PYHIN1: variants seen among roughly 807,000 people sequenced by gnomAD.
PYHIN1 encodes pyrin and HIN domain-containing protein 1.
Under a neutral mutation model 43.7 loss-of-function variants are expected in PYHIN1, and 32 were observed. That is an observed-to-expected ratio of 0.73 (90% confidence interval 0.55 to 0.98). The LOEUF (loss-of-function observed/expected upper bound fraction) is 0.98. Ranked by LOEUF, PYHIN1 falls within the 50% of genes least tolerant of loss-of-function variation. The probability of loss-of-function intolerance (pLI) is 0.00; values close to 1 mark genes in which losing one functional copy is unlikely to be tolerated. For missense variants in PYHIN1, 588 were observed against 589.5 expected, an observed-to-expected ratio of 1.00 and a Z score of 0.03; for synonymous variants, 205 against 203.1, an observed-to-expected ratio of 1.01 and a Z score of -0.08.
rs1318966377 is a variant in PYHIN1 at position 158,942,365 on chromosome 1, G to A, written c.968G>A (p.Gly323Glu). 1.2e-6 allele frequency: 2 copies of A among 1,610,140 alleles called. No homozygotes were observed. Among genetic ancestry groups the A allele is most frequent in the East Asian group, 2.2e-5 (1 of 44,844 alleles). The change falls in exon 5 of 9, where the codon GGA becomes GAA. Residue 323 changes from glycine to glutamate, a missense_variant. Gly to Glu is a moderately conservative substitution (Grantham distance 98, BLOSUM62 -2). Transcript: ENST00000368140. ...KINILHKQTS[G>E]YIVYGLFMLH... ...AATATTCTTCACAAACAAACTTCAG[G>A]ATATATTGTATATGGATTATTTATG...
intron 7 of PYHIN1, among the ~76,000 whole-genome samples, chr1:158,956,411 A>T (rs1016533002): frequency 1.3e-5 from 2 of 152,144 alleles, no homozygotes; most frequent in African/African-American, 2.4e-5. Flanking sequence ...CACCATGATC[A>T]AGTGGGTTTC....
chr1:158,952,119 T>TG (rs1199682333), intron 7 of PYHIN1, among the ~76,000 whole-genome samples: 2 of 149,746 alleles, frequency 1.3e-5, no homozygotes, highest in East Asian at 3.9e-4. Flanking sequence ...TTTTTTTTTT[T>TG]TTTTTTTTTC....
chr1:158,973,976 AT>A (rs1557846721), intron 8 of PYHIN1, among the ~76,000 whole-genome samples: 2 of 152,012 alleles, frequency 1.3e-5, no homozygotes, highest in Non-Finnish European at 2.9e-5. Context: ...TCATGAAATC[AT>A]TTCTGTCTTC....
chr1:158,946,359 G>T (rs533517937), intron 7 of PYHIN1, among the ~76,000 whole-genome samples: 1 of 152,194 alleles, frequency 6.6e-6, no homozygotes, highest in South Asian at 2.1e-4. Flanking sequence ...TATGATTGAG[G>T]AGACCTATGT....
Position 158,937,164 on chromosome 1 carries a change from A to G in PYHIN1, c.254A>G (p.Glu85Gly), listed in dbSNP as rs777882578. 1.3e-6 allele frequency: 2 copies of G among 1,585,534 alleles called. No homozygotes were observed. Among genetic ancestry groups the G allele is most frequent in the East Asian group, 4.5e-5 (2 of 44,716 alleles). The change falls in exon 2 of 9, where the codon GAA becomes GGA. Residue 85 changes from glutamate (E) to glycine (G), a missense_variant. Coordinates refer to ENST00000368140, the MANE Select transcript of PYHIN1 (RefSeq NM_152501.5). ...GACCTTGCTGAAACTCTTAAAAGAGAAAAGTTAAAAGGTAATTGGGAAGAG... is the reference window on the plus strand; with the variant it reads ...GACCTTGCTGAAACTCTTAAAAGAGGAAAGTTAAAAGGTAATTGGGAAGAG... ...LGDLAETLKR[E>G]KLKVANKIES... is the part of the protein sequence containing the mutation.
chr1:158,972,227 A>G (rs939707295), intron 7 of PYHIN1, among the ~76,000 whole-genome samples: 3 of 152,052 alleles, frequency 2.0e-5, no homozygotes, highest in Non-Finnish European at 4.4e-5. Flanking sequence ...CTCAGATGTC[A>G]CAGAAAATGT....
intron 7 of PYHIN1, among the ~76,000 whole-genome samples, chr1:158,961,223 G>A (rs1439474579): frequency 3.9e-5 from 6 of 152,168 alleles, no homozygotes; most frequent in African/African-American, 1.2e-4. Context: ...GAAATACATA[G>A]GATTTAAAAA....
At chr1:158,972,054 C>T (rs181389850) in intron 7 of PYHIN1, among the ~76,000 whole-genome samples, 8 of 152,198 alleles carry the variant, frequency 5.3e-5, no homozygotes, top group Admixed American at 5.2e-4. Context: ...AATCAGGCTT[C>T]ATCTCATAGT....
chr1:158,941,404 A>C (rs555143995), intron 4 of PYHIN1, among the ~76,000 whole-genome samples: 2 of 152,290 alleles, frequency 1.3e-5, no homozygotes, highest in African/African-American at 4.8e-5. Context: ...CTGTAGCCTG[A>C]ACCTACTGAG....
At chr1:158,952,621 C>T (rs1223086287) in intron 7 of PYHIN1, among the ~76,000 whole-genome samples, 2 of 152,132 alleles carry the variant, frequency 1.3e-5, no homozygotes, top group Non-Finnish European at 1.5e-5. Context: ...CCTCCTCCTT[C>T]CCCTTTTTAG....
At chr1:158,982,496 C>G in the PYHIN1 span, among the ~76,000 whole-genome samples, 1 of 152,092 alleles carries the variant, frequency 6.6e-6, no homozygotes, top group East Asian at 1.9e-4. Context: ...TTCCATTGGT[C>G]TATGTATCTG....
In PYHIN1 at chr1:158,960,200, T is replaced by G. The variant is rs565121590; in HGVS notation, c.1360-13447T>G. 1.6e-4 allele frequency among the ~76,000 whole-genome samples: 25 copies of G among 152,378 alleles called. No individual in the cohort carries two copies. The East Asian group carries it at 1.9e-3, about 12-fold the overall frequency. On this transcript the variant is annotated intron_variant, in intron 7 of 8. Transcript: ENST00000368140. ...TCAAGTATTATTTGAGCTAGCAGCC[T>G]GTGTCTTTTTGCCAACTTGGCACAA...
Position 158,941,785 on chromosome 1 carries a change from G to A in PYHIN1, c.580-192G>A, listed in dbSNP as rs143078485. Among the ~76,000 whole-genome samples the A allele has an allele frequency of 3.5e-3, 536 of 152,122 alleles. 4 individuals are homozygous for A. Among genetic ancestry groups the A allele is most frequent in the African/African-American group, 0.012 (517 of 41,484 alleles). On this transcript the variant is annotated intron_variant, in intron 4 of 8. Transcript: ENST00000368140. ...TTTAAAGAAAGTCTTCTTTTACTAT[G>A]TGGTCTCCTATATTACTTCCTCTGG...
In PYHIN1 at chr1:158,937,088, GC is replaced by G; in HGVS notation, c.180del (p.Gly61ValfsTer5). 6.2e-7 allele frequency: 1 copy of G among 1,614,122 alleles called. No homozygotes were observed. Among genetic ancestry groups the G allele is most frequent in the Non-Finnish European group, 8.5e-7 (1 of 1,180,008 alleles). Reference sequence around the variant, plus strand: ...GATGGAGGAAAAGTTCCCAGGTGATGCCGGTTTGGGCAAACTAATAGAATTC... The same window carrying G: ...GATGGAGGAAAAGTTCCCAGGTGATGCGGTTTGGGCAAACTAATAGAATTC... The part of the protein sequence containing the change: ...DLMEEKFPGD[A>X]GLGKLIEFFK... On this transcript the variant is annotated frameshift_variant, in exon 2 of 9. Coordinates refer to ENST00000368140, the MANE Select transcript of PYHIN1 (RefSeq NM_152501.5). LOFTEE classifies it high-confidence loss of function.
the PYHIN1 span, among the ~76,000 whole-genome samples, chr1:158,990,745 T>C: frequency 6.6e-6 from 1 of 152,198 alleles, no homozygotes; most frequent in Admixed American, 6.5e-5. Context: ...CTTTTTGAGA[T>C]TCTACATATG....
chr1:158,957,376 A>T (rs1042836133), intron 7 of PYHIN1, among the ~76,000 whole-genome samples: 1 of 152,328 alleles, frequency 6.6e-6, no homozygotes, highest in African/African-American at 2.4e-5. Flanking sequence ...TACAGTAACC[A>T]AAACAACATG....
At chr1:158,935,555 A>T (rs1478535188) in intron 1 of PYHIN1, among the ~76,000 whole-genome samples, 1 of 152,182 alleles carries the variant, frequency 6.6e-6, no homozygotes, top group Non-Finnish European at 1.5e-5. Context: ...GATGTTCAGG[A>T]AAGTGATAGT....
rs1043888561 is a variant in PYHIN1 at position 158,944,986 on chromosome 1, C to A, written c.1303C>A (p.His435Asn). ...SEASTTLPESHLKTPQMPPTT... is the reference protein window; with the variant it reads ...SEASTTLPESNLKTPQMPPTT... ...GGCCAGCACAACCCTACCTGAAAGCCATCTCAAGACTCCTCAGATGCCACC... is the reference window on the plus strand; with the variant it reads ...GGCCAGCACAACCCTACCTGAAAGCAATCTCAAGACTCCTCAGATGCCACC... Residue 435 changes from histidine (H) to asparagine (N), a missense_variant, in exon 7 of 9, where the codon CAT (histidine) becomes AAT (asparagine). Coordinates refer to ENST00000368140, the MANE Select transcript of PYHIN1 (RefSeq NM_152501.5). 1 of 1,613,736 alleles carries A rather than the reference C, an allele frequency of 6.2e-7. No individual in the cohort carries two copies. The highest frequency in any genetic ancestry group is 8.5e-7 in the Non-Finnish European group (1 of 1,179,836).
In PYHIN1 at chr1:158,976,804, G is replaced by T; in HGVS notation, c.*109G>T. The T allele has an allele frequency of 1.0e-6, 1 of 980,050 alleles. No individual in the cohort carries two copies. The highest frequency in any genetic ancestry group is 2.5e-5 in the East Asian group (1 of 40,228). 60.7% of individuals were successfully genotyped at this position (980,050 alleles called of 1,614,324 possible). A position where few individuals can be genotyped will look rare whatever the true frequency, so the allele number is the denominator to read the frequency against. The stretch of plus-strand genomic sequence containing the variant: ...CTAAAAACCTGATGCCATTGGTAAT[G>T]ATGTTTATGAAGATAAGATCAAAGC... On this transcript the variant is annotated 3_prime_UTR_variant, in exon 9 of 9. Transcript: ENST00000368140.
Sources: gnomAD v4.1 joint callset for allele counts (sites outside exome capture counted in the v4.1 genomes callset) on GRCh38, gnomAD v4.1.1 for gene constraint, MANE v1.5 for transcripts, NCBI Gene and HGNC (gene_info 2026-07-23, HGNC 2026-07-21) for gene names.